Variants in PVT1 observed in about 807,000 individuals in gnomAD.
The protein encoded by PVT1 is CXCR4/PVT1 fusion.
intron 3 of PVT1, among the ~76,000 whole-genome samples, chr8:127,987,712 C>T (rs1038761786): frequency 3.3e-5 from 5 of 152,200 alleles, no homozygotes; most frequent in Admixed American, 6.5e-5. Context: ...AGAACTGGGA[C>T]ACCAACCCAG....
chr8:128,003,949 G>C (rs1289914596), intron 4 of PVT1, among the ~76,000 whole-genome samples: 1 of 152,232 alleles, frequency 6.6e-6, no homozygotes, highest in African/African-American at 2.4e-5. Context: ...TCAGTTTCTG[G>C]TGGGGGCTCT....
chr8:127,957,801 A>G (rs765787195), intron 3 of PVT1, among the ~76,000 whole-genome samples: 97 of 152,198 alleles, frequency 6.4e-4, no homozygotes, highest in Non-Finnish European at 9.1e-4. Flanking sequence ...ACCCCTGAAC[A>G]TGCACACACA....
chr8:128,019,571 T>C (rs1319160100), intron 4 of PVT1, among the ~76,000 whole-genome samples: 1 of 152,262 alleles, frequency 6.6e-6, no homozygotes. Flanking sequence ...GCATACATGC[T>C]CACAACGTTT....
chr8:128,101,195 G>A (rs1814499972), intron 6 of PVT1: 1 of 152,030 alleles, frequency 6.6e-6, no homozygotes, highest in South Asian at 2.1e-4. Context: ...AGATGAGTAC[G>A]AACTTCATCG....
intron 4 of PVT1, among the ~76,000 whole-genome samples, chr8:127,993,841 C>T (rs769398066): frequency 3.6e-4 from 55 of 152,164 alleles, no homozygotes; most frequent in Non-Finnish European, 6.8e-4. Flanking sequence ...GCACAAATAT[C>T]GAACGAGAAC....
chr8:128,036,793 A>G (rs1280332159), intron 4 of PVT1, among the ~76,000 whole-genome samples: 2 of 152,188 alleles, frequency 1.3e-5, no homozygotes, highest in African/African-American at 4.8e-5. Context: ...GGGTTTTGCC[A>G]GAAAGGTAAT....
chr8:127,935,593 G>A (rs1239701620), intron 3 of PVT1, among the ~76,000 whole-genome samples: 1 of 152,106 alleles, frequency 6.6e-6, no homozygotes, highest in African/African-American at 2.4e-5. Context: ...ATGTATTCAG[G>A]GGTCTGGTCC....
At chr8:127,813,563 C>G (rs950775838) in intron 2 of PVT1, among the ~76,000 whole-genome samples, 4 of 152,164 alleles carry the variant, frequency 2.6e-5, no homozygotes, top group Non-Finnish European at 4.4e-5. Flanking sequence ...CTTTTGTCTC[C>G]TCCCACTCTA....
intron 2 of PVT1, among the ~76,000 whole-genome samples, chr8:127,814,072 C>A (rs1331518685): frequency 6.6e-6 from 1 of 152,210 alleles, no homozygotes; most frequent in Admixed American, 6.5e-5. Context: ...CATGAACCAC[C>A]GCCCCCGGCC....
At chr8:128,018,038 T>A (rs1817393597) in intron 4 of PVT1, among the ~76,000 whole-genome samples, 1 of 152,206 alleles carries the variant, frequency 6.6e-6, no homozygotes, top group Non-Finnish European at 1.5e-5. Flanking sequence ...CACAAAAATA[T>A]TGGCTGCAGT....
At chr8:128,049,599 TG>T (rs1374830442) in intron 4 of PVT1, among the ~76,000 whole-genome samples, 3 of 152,164 alleles carry the variant, frequency 2.0e-5, no homozygotes, top group Non-Finnish European at 4.4e-5. Context: ...CTGACCTGTG[TG>T]GATGCATTAT....
intron 4 of PVT1, among the ~76,000 whole-genome samples, chr8:128,056,974 C>T (rs1813769733): frequency 6.6e-6 from 1 of 152,174 alleles, no homozygotes; most frequent in African/African-American, 2.4e-5. Flanking sequence ...GAACACAGGG[C>T]CAGTTTCACA....
chr8:127,837,549 A>G (rs1023453576), intron 2 of PVT1, among the ~76,000 whole-genome samples: 6 of 152,112 alleles, frequency 3.9e-5, no homozygotes, highest in African/African-American at 9.7e-5. Flanking sequence ...TATTATTCCT[A>G]TATAATTTCC....
chr8:127,935,245 C>A (rs868437491), intron 3 of PVT1, among the ~76,000 whole-genome samples: 1 of 152,096 alleles, frequency 6.6e-6, no homozygotes, highest in East Asian at 1.9e-4. Flanking sequence ...GGATTACAGG[C>A]GTGAGCCCTG....
chr8:128,039,025 C>T lies in PVT1; in HGVS notation n.913-31135C>T, dbSNP rs534509904. On this transcript the variant is annotated intron_variant and non_coding_transcript_variant, in intron 4 of 10. Coordinates refer to ENST00000651587, the Ensembl canonical transcript of PVT1. ...AGGGAGGCAGAAGGAAGGGGAGGGACGGATCAGCTCCATTTGCTGAGCCAA... is the reference window on the plus strand; with the variant it reads ...AGGGAGGCAGAAGGAAGGGGAGGGATGGATCAGCTCCATTTGCTGAGCCAA... 5.8e-4 allele frequency among the ~76,000 whole-genome samples: 88 copies of T among 152,270 alleles called. 1 individual carries two copies. In the South Asian group the frequency reaches 0.014, roughly 24 times the overall value.
intron 2 of PVT1, among the ~76,000 whole-genome samples, chr8:127,799,518 TG>T (rs1189025801): frequency 6.6e-6 from 1 of 152,134 alleles, no homozygotes; most frequent in Non-Finnish European, 1.5e-5. Context: ...GGTGTGGAAG[TG>T]GGGGGCTTGC....
At chr8:127,927,104 G>A (rs113796607) in intron 3 of PVT1, among the ~76,000 whole-genome samples, 55 of 152,342 alleles carry the variant, frequency 3.6e-4, no homozygotes, top group African/African-American at 1.3e-3. Context: ...TCAAGTCCGG[G>A]CCCTGTTGCT....
At chr8:127,865,296 A>G (rs1039142926) in intron 2 of PVT1, among the ~76,000 whole-genome samples, 1 of 152,136 alleles carries the variant, frequency 6.6e-6, no homozygotes, top group African/African-American at 2.4e-5. Flanking sequence ...CAGCCTGAGG[A>G]TGGGGATAAA....
chr8:127,984,893 CTT>C (rs1491177030), intron 3 of PVT1, among the ~76,000 whole-genome samples: 37 of 100,306 alleles, frequency 3.7e-4, no homozygotes, highest in African/African-American at 5.2e-4. Flanking sequence ...TTCTTTCTTT[CTT>C]TCTTTCTTTC....
Sources: gnomAD v4.1 joint callset for allele counts (sites outside exome capture counted in the v4.1 genomes callset) on GRCh38, gnomAD v4.1.1 for gene constraint, MANE v1.5 for transcripts, NCBI Gene and HGNC (gene_info 2026-07-23, HGNC 2026-07-21) for gene names.